Variants in GULP1 observed in about 807,000 individuals in gnomAD.
GULP1 encodes the protein GULP PTB domain containing engulfment adaptor 1.
In GULP1, 19 loss-of-function variants were observed where a neutral mutation model predicts 40.9. The ratio of observed to expected loss-of-function variants is 0.46; its 90% CI spans 0.32 to 0.68. GULP1 has a LOEUF of 0.68. Among genes scored for constraint, GULP1 ranks in the 30% least tolerant of loss-of-function variants. GULP1 has a pLI of 0.03. For missense variants in GULP1, 312 were observed against 362.2 expected (o/e 0.86, Z 1.12); for synonymous variants, 119 against 117.6 (o/e 1.01, Z -0.08).
At chr2:188,458,658 A>G (rs945379627) in intron 2 of GULP1, among the ~76,000 whole-genome samples, 5 of 152,154 alleles carry the variant, frequency 3.3e-5, no homozygotes, top group Admixed American at 6.5e-5. Context: ...CCCTTCAAGC[A>G]TTTATTCTTA....
At chr2:188,337,221 C>T (rs1195036373) in intron 1 of GULP1, among the ~76,000 whole-genome samples, 2 of 151,956 alleles carry the variant, frequency 1.3e-5, no homozygotes, top group African/African-American at 4.8e-5. Flanking sequence ...TCACTGCAAC[C>T]TCTGCCTCCC....
intron 5 of GULP1, among the ~76,000 whole-genome samples, chr2:188,528,583 G>A (rs918947699): frequency 1.3e-5 from 2 of 151,948 alleles, no homozygotes; most frequent in African/African-American, 2.4e-5. Context: ...GAGTCTTTCA[G>A]CTGGGATAAT....
chr2:188,479,991 T>C (rs558023672), intron 3 of GULP1, among the ~76,000 whole-genome samples: 3 of 152,152 alleles, frequency 2.0e-5, no homozygotes, highest in Non-Finnish European at 4.4e-5. Context: ...ATCATGAAAT[T>C]ATTCACTAAT....
At chr2:188,297,749 G>A (rs905217143) in intron 1 of GULP1, among the ~76,000 whole-genome samples, 27 of 151,954 alleles carry the variant, frequency 1.8e-4, no homozygotes, top group Non-Finnish European at 5.9e-5. Flanking sequence ...AATATTTCAT[G>A]AGGTGATAAC....
intron 4 of GULP1, among the ~76,000 whole-genome samples, chr2:188,519,138 A>G (rs905480551): frequency 6.6e-6 from 1 of 152,288 alleles, no homozygotes; most frequent in East Asian, 1.9e-4. Flanking sequence ...CATAAGAAAA[A>G]GTTGGGTTAA....
chr2:188,581,735 A>G (rs1413244950), intron 9 of GULP1, among the ~76,000 whole-genome samples: 2 of 152,196 alleles, frequency 1.3e-5, no homozygotes, highest in Non-Finnish European at 2.9e-5. Flanking sequence ...AAAGGGCATG[A>G]TGACTAGAGT....
intron 2 of GULP1, among the ~76,000 whole-genome samples, chr2:188,384,712 G>A (rs904753492): frequency 1.3e-5 from 2 of 152,262 alleles, no homozygotes; most frequent in South Asian, 2.1e-4. Context: ...AGATAAAATA[G>A]GGTACAGGAA....
At chr2:188,425,754 T>C (rs1250713047) in intron 2 of GULP1, among the ~76,000 whole-genome samples, 2 of 152,162 alleles carry the variant, frequency 1.3e-5, no homozygotes, top group Non-Finnish European at 2.9e-5. Context: ...GTTTAAAATT[T>C]GTTTGCATTT....
At chr2:188,436,789 A>G (rs1422344133) in intron 2 of GULP1, among the ~76,000 whole-genome samples, 2 of 152,078 alleles carry the variant, frequency 1.3e-5, no homozygotes, top group Non-Finnish European at 1.5e-5. Flanking sequence ...ATTTTGGGGC[A>G]CATGCTCAAA....
At chr2:188,345,634 T>A (rs908259536) in intron 1 of GULP1, among the ~76,000 whole-genome samples, 2 of 152,116 alleles carry the variant, frequency 1.3e-5, no homozygotes, top group East Asian at 1.9e-4. Flanking sequence ...CCAGTATGTA[T>A]GAAATGAGGA....
intron 1 of GULP1, among the ~76,000 whole-genome samples, chr2:188,339,538 G>A (rs560463165): frequency 1.3e-5 from 2 of 152,178 alleles, no homozygotes; most frequent in South Asian, 2.1e-4. Flanking sequence ...AACTAAGGTT[G>A]GAAATGCACA....
At chr2:188,296,868 T>C (rs978742754) in intron 1 of GULP1, among the ~76,000 whole-genome samples, 2 of 152,030 alleles carry the variant, frequency 1.3e-5, no homozygotes, top group African/African-American at 2.4e-5. Flanking sequence ...AAGTTCAGAA[T>C]AGACCTTAGA....
chr2:188,433,930 T>C (rs558597955), intron 2 of GULP1, among the ~76,000 whole-genome samples: 41 of 118,936 alleles, frequency 3.4e-4, no homozygotes, highest in Non-Finnish European at 3.2e-4. Flanking sequence ...CTCTACCTTA[T>C]ACCTTTTTTT....
chr2:188,434,287 G>T (rs2152833085), intron 2 of GULP1, among the ~76,000 whole-genome samples: 1 of 150,228 alleles, frequency 6.7e-6, no homozygotes, highest in Non-Finnish European at 1.5e-5. Context: ...TATAAAAAAT[G>T]CCTTGGAGTT....
rs565653288 is a variant in GULP1, at chr2:188,523,308, G to A, written c.162+481G>A. Among the ~76,000 whole-genome samples, 22 of 152,278 alleles carry A rather than the reference G, an allele frequency of 1.4e-4. No individual in the cohort carries two copies. In the South Asian group the frequency reaches 4.3e-3, roughly 30 times the overall value. ...TAATCTACAGGTCCAACAGGATCTGGCAATGTCCGTAAGTAGCCATGGGGA... is the reference window on the plus strand; with the variant it reads ...TAATCTACAGGTCCAACAGGATCTGACAATGTCCGTAAGTAGCCATGGGGA... On this transcript the variant is annotated intron_variant, in intron 5 of 11. Coordinates refer to ENST00000409830, the MANE Select transcript of GULP1 (RefSeq NM_016315.4).
chr2:188,493,702 A>C, intron 4 of GULP1, among the ~76,000 whole-genome samples: 1 of 152,050 alleles, frequency 6.6e-6, no homozygotes, highest in East Asian at 1.9e-4. Flanking sequence ...AACACCACTA[A>C]GAACTGTTGG....
At chr2:188,315,055 C>T (rs568194338) in intron 1 of GULP1, among the ~76,000 whole-genome samples, 5 of 152,110 alleles carry the variant, frequency 3.3e-5, no homozygotes, top group Non-Finnish European at 7.4e-5. Context: ...CCTTGAAATG[C>T]TTACTTTAAG....
intron 7 of GULP1, among the ~76,000 whole-genome samples, chr2:188,564,470 G>A (rs897525154): frequency 6.6e-6 from 1 of 151,806 alleles, no homozygotes; most frequent in Admixed American, 6.6e-5. Flanking sequence ...AAAGAAAAAT[G>A]TATTTACCGT....
intron 3 of GULP1, among the ~76,000 whole-genome samples, chr2:188,480,591 T>C (rs906249800): frequency 1.3e-5 from 2 of 151,994 alleles, no homozygotes; most frequent in Non-Finnish European, 2.9e-5. Context: ...ATTACAGTCA[T>C]ATCATTTTGA....
Sources: gnomAD v4.1 joint callset for allele counts (sites outside exome capture counted in the v4.1 genomes callset) on GRCh38, gnomAD v4.1.1 for gene constraint, MANE v1.5 for transcripts, NCBI Gene and HGNC (gene_info 2026-07-23, HGNC 2026-07-21) for gene names.